MBD5: variants seen among roughly 807,000 people sequenced by gnomAD.
MBD5 encodes methyl-CpG-binding domain protein 5.
Under a neutral mutation model 117.3 loss-of-function variants are expected in MBD5, and 13 were observed. The observed-to-expected ratio is 0.11, with a 90% confidence interval of 0.07 to 0.18. MBD5 has a LOEUF of 0.18. Ranked by LOEUF, MBD5 falls within the 10% of genes least tolerant of loss-of-function variation. The probability of loss-of-function intolerance (pLI) is 1.00; values close to 1 mark genes in which losing one functional copy is unlikely to be tolerated. For synonymous variants in MBD5, 727 were observed against 766.4 expected, an observed-to-expected ratio of 0.95 and a Z score of 0.85; for missense variants, 1,879 against 2,093.8, an observed-to-expected ratio of 0.90 and a Z score of 2.00.
chr2:148,386,125 A>G (rs1041422185), intron 4 of MBD5, among the ~76,000 whole-genome samples: 15 of 152,144 alleles, frequency 9.9e-5, no homozygotes, highest in African/African-American at 7.2e-5. Context: ...ATAAAAAAAA[A>G]GAAAAAGAAA....
intron 1 of MBD5, among the ~76,000 whole-genome samples, chr2:148,051,639 GTGTGTGTGTT>G (rs1386417382): frequency 1.6e-5 from 2 of 121,818 alleles, no homozygotes; most frequent in African/African-American, 5.4e-5. Flanking sequence ...GTGTGTGTGT[GTGTGTGTGTT>G]GTCATGAAAG....
intron 2 of MBD5, among the ~76,000 whole-genome samples, chr2:148,231,856 AT>A (rs1386236706): frequency 2.0e-5 from 3 of 152,222 alleles, no homozygotes; most frequent in African/African-American, 7.2e-5. Flanking sequence ...GTGGGGCTAC[AT>A]AATATCTAGG....
chr2:148,090,510 C>T (rs536718586), intron 1 of MBD5, among the ~76,000 whole-genome samples: 1 of 152,032 alleles, frequency 6.6e-6, no homozygotes, highest in Non-Finnish European at 1.5e-5. Context: ...AGTGGGGTTT[C>T]ATACCAGGGA....
At chr2:148,236,753 A>G (rs899912822) in intron 3 of MBD5, among the ~76,000 whole-genome samples, 7 of 152,162 alleles carry the variant, frequency 4.6e-5, no homozygotes, top group Admixed American at 3.9e-4. Flanking sequence ...CTAAAAAGAG[A>G]ATCAGTGGTT....
At chr2:148,339,769 T>A (rs75588080) in intron 3 of MBD5, among the ~76,000 whole-genome samples, 1 of 152,134 alleles carries the variant, frequency 6.6e-6, no homozygotes, top group African/African-American at 2.4e-5. Context: ...ATAAATAAAT[T>A]TATTGTCTAT....
chr2:148,341,410 T>A (rs896272643), intron 3 of MBD5, among the ~76,000 whole-genome samples: 2 of 152,012 alleles, frequency 1.3e-5, no homozygotes, highest in African/African-American at 4.8e-5. Context: ...AAGCTGAATG[T>A]TTCTAAGACA....
intron 4 of MBD5, among the ~76,000 whole-genome samples, chr2:148,406,790 T>C (rs868505403): frequency 6.6e-6 from 1 of 152,158 alleles, no homozygotes; most frequent in Admixed American, 6.5e-5. Context: ...CCTGTTTCTG[T>C]TGCCTGGAAT....
chr2:148,338,303 A>G (rs1034902215), intron 3 of MBD5, among the ~76,000 whole-genome samples: 2 of 152,100 alleles, frequency 1.3e-5, no homozygotes, highest in Non-Finnish European at 2.9e-5. Context: ...CAAGGTTCAT[A>G]CATTGTATTT....
At chr2:148,296,863 AATT>A (rs958876955) in intron 3 of MBD5, among the ~76,000 whole-genome samples, 4 of 37,714 alleles carry the variant, frequency 1.1e-4, no homozygotes, top group Non-Finnish European at 2.1e-4. Context: ...TTAGTTCTTC[AATT>A]TTTTTTTTTT....
At chr2:148,158,922 T>C (rs185650791) in intron 1 of MBD5, among the ~76,000 whole-genome samples, 5,007 of 152,232 alleles carry the variant, frequency 0.033, 88 homozygotes, top group Non-Finnish European at 0.047. Flanking sequence ...CGGGGTTTCA[T>C]CGTGTTAGCC....
chr2:148,334,455 C>T (rs1702736344), intron 3 of MBD5, among the ~76,000 whole-genome samples: 1 of 151,936 alleles, frequency 6.6e-6, no homozygotes, highest in Admixed American at 6.6e-5. Flanking sequence ...GCCTTAGTCC[C>T]CCAAGCAGTT....
chr2:148,149,751 T>A (rs1697588852), intron 1 of MBD5, among the ~76,000 whole-genome samples: 1 of 152,182 alleles, frequency 6.6e-6, no homozygotes, highest in African/African-American at 2.4e-5. Flanking sequence ...TTGAGAAGTG[T>A]CTGTTCATGT....
intron 1 of MBD5, among the ~76,000 whole-genome samples, chr2:148,152,849 G>T (rs1410771114): frequency 6.6e-6 from 1 of 151,580 alleles, no homozygotes; most frequent in Admixed American, 6.6e-5. Flanking sequence ...ACGTGAGATG[G>T]GTTTACTGAA....
chr2:148,407,567 T>C (rs562486725), intron 4 of MBD5, among the ~76,000 whole-genome samples: 2 of 152,308 alleles, frequency 1.3e-5, no homozygotes, highest in East Asian at 1.9e-4. Context: ...CACTTAGTAC[T>C]CTTAAATTAT....
intron 2 of MBD5, among the ~76,000 whole-genome samples, chr2:148,227,430 G>A (rs995339555): frequency 9.2e-5 from 14 of 152,122 alleles, no homozygotes; most frequent in South Asian, 2.1e-4. Context: ...TTGTAGATAC[G>A]CGGCATTATT....
At chr2:148,374,864 T>C (rs950899010) in intron 4 of MBD5, among the ~76,000 whole-genome samples, 1 of 152,248 alleles carries the variant, frequency 6.6e-6, no homozygotes. Flanking sequence ...ACTATACTTA[T>C]ATTTTAAATT....
intron 9 of MBD5, among the ~76,000 whole-genome samples, chr2:148,484,453 A>T (rs1208044315): frequency 6.6e-6 from 1 of 152,218 alleles, no homozygotes; most frequent in African/African-American, 2.4e-5. Flanking sequence ...CAAATAATAA[A>T]GCACAGGTAC....
At chr2:148,226,159 ATGTGC>A (rs1699812784) in intron 2 of MBD5, among the ~76,000 whole-genome samples, 2 of 151,648 alleles carry the variant, frequency 1.3e-5, no homozygotes, top group African/African-American at 4.9e-5. Context: ...CATTTGCACA[ATGTGC>A]AGGTTTGTTA....
At chr2:148,199,140 T>C (rs1269682204) in intron 2 of MBD5, among the ~76,000 whole-genome samples, 1 of 152,170 alleles carries the variant, frequency 6.6e-6, no homozygotes, top group Non-Finnish European at 1.5e-5. Context: ...GATCCTGCAG[T>C]CTTGAAGCAA....
Sources: gnomAD v4.1 joint callset for allele counts (sites outside exome capture counted in the v4.1 genomes callset) on GRCh38, gnomAD v4.1.1 for gene constraint, MANE v1.5 for transcripts, NCBI Gene and HGNC (gene_info 2026-07-23, HGNC 2026-07-21) for gene names.